STK32B: variants seen among roughly 807,000 people sequenced by gnomAD.
The protein encoded by STK32B is serine/threonine-protein kinase 32B.
In STK32B, 43 loss-of-function variants were observed where a neutral mutation model predicts 52.6. The ratio of observed to expected loss-of-function variants is 0.82; its 90% confidence interval spans 0.64 to 1.05. The LOEUF (loss-of-function observed/expected upper bound fraction) is 1.05. Among genes scored for constraint, STK32B ranks in the 50% least tolerant of loss-of-function variants. STK32B has a pLI of 0.00. For synonymous variants in STK32B, 238 were observed against 204.3 expected (o/e 1.17, Z -1.41); for missense variants, 621 against 534.6 (o/e 1.16, Z -1.59).
intron 6 of STK32B, among the ~76,000 whole-genome samples, chr4:5,430,826 T>G (rs564711513): frequency 6.6e-6 from 1 of 151,116 alleles, no homozygotes; most frequent in East Asian, 1.9e-4. Flanking sequence ...GTTACCAAAG[T>G]GTTTTCCTCA....
chr4:5,397,445 C>T (rs1481306708), intron 4 of STK32B, among the ~76,000 whole-genome samples: 1 of 152,174 alleles, frequency 6.6e-6, no homozygotes, highest in Non-Finnish European at 1.5e-5. Context: ...GAATGTTTCA[C>T]TTGGAATTGA....
chr4:5,257,818 C>G (rs766506488), intron 3 of STK32B, among the ~76,000 whole-genome samples: 12 of 152,216 alleles, frequency 7.9e-5, no homozygotes, highest in South Asian at 2.1e-4. Context: ...CGGCATGGGC[C>G]TGTAATCCCA....
At chr4:5,236,332 GTTC>G (rs942411941) in intron 3 of STK32B, among the ~76,000 whole-genome samples, 1 of 151,684 alleles carries the variant, frequency 6.6e-6, no homozygotes, top group African/African-American at 2.4e-5. Flanking sequence ...AATAGCCTTT[GTTC>G]TTTTTTTTTA....
chr4:5,341,027 A>G (rs1373853303), intron 4 of STK32B, among the ~76,000 whole-genome samples: 1 of 152,240 alleles, frequency 6.6e-6, no homozygotes, highest in Non-Finnish European at 1.5e-5. Flanking sequence ...TTCAAATCCC[A>G]GATCTCATGC....
rs377527637 is a variant in STK32B, at chr4:5,449,070, G to A, written c.666+2294G>A. Among the ~76,000 whole-genome samples the A allele has an allele frequency of 3.3e-5, 5 of 152,130 alleles. No individual in the cohort carries two copies. The South Asian group carries it at 8.3e-4, about 25-fold the overall frequency. ...GAAAGTCATAGTGGAGGCTAGGCAC[G>A]GTGACTCAGATCTGTAATCCCAGTT... is the stretch of plus-strand genomic sequence containing the variant. On this transcript the variant is annotated intron_variant, in intron 7 of 11. Transcript: ENST00000282908.
At chr4:5,347,595 A>T (rs955414152) in intron 4 of STK32B, among the ~76,000 whole-genome samples, 1 of 152,178 alleles carries the variant, frequency 6.6e-6, no homozygotes, top group African/African-American at 2.4e-5. Context: ...CACCTCATCC[A>T]TGGAGAGTGA....
intron 3 of STK32B, among the ~76,000 whole-genome samples, chr4:5,237,532 G>A (rs181453849): frequency 3.3e-5 from 5 of 152,274 alleles, no homozygotes; most frequent in East Asian, 1.9e-4. Context: ...TAAAGAACTG[G>A]CAGATGTTTT....
chr4:5,393,103 C>G (rs1396477811), intron 4 of STK32B, among the ~76,000 whole-genome samples: 1 of 152,144 alleles, frequency 6.6e-6, no homozygotes, highest in African/African-American at 2.4e-5. Context: ...GGATGGGTGC[C>G]AAGTCCCATT....
chr4:5,179,702 T>C (rs796136287), intron 3 of STK32B, among the ~76,000 whole-genome samples: 20 of 152,188 alleles, frequency 1.3e-4, no homozygotes, highest in African/African-American at 4.8e-4. Flanking sequence ...CTTTGCACAC[T>C]ACAGGGGTCA....
rs1742314026 is a variant in STK32B, at chr4:5,063,968, T to C, written c.52+12053T>C. On this transcript the variant is annotated intron_variant, in intron 1 of 11. Transcript: ENST00000282908. ...TGTTTCTGGTTTTATGAAGTTCCTGTTCATAACTTTGTTAATTTTTTAATT... is the reference window on the plus strand; with the variant it reads ...TGTTTCTGGTTTTATGAAGTTCCTGCTCATAACTTTGTTAATTTTTTAATT... Among the ~76,000 whole-genome samples the C allele has an allele frequency of 2.6e-5, 4 of 152,156 alleles. No individual in the cohort carries two copies. In the South Asian group the frequency reaches 6.2e-4, roughly 24 times the overall value.
At position 5,051,645 on chromosome 4, in the gene STK32B, C is replaced by G. The variant is rs568045042; in HGVS notation, c.-219C>G. ...CCGAGGCGGGGCACGGCGGAAGGCG[C>G]GGCGAGAGCGGGGTCCCTGCGAGCG... On this transcript the variant is annotated 5_prime_UTR_variant, in exon 1 of 12. Transcript: ENST00000282908. The G allele has an allele frequency of 2.6e-5, 14 of 545,960 alleles. No individual in the cohort carries two copies. The highest frequency in any genetic ancestry group is 7.6e-5 in the South Asian group (3 of 39,506). 33.8% of individuals were successfully genotyped at this position (545,960 alleles called of 1,614,324 possible). A position where few individuals can be genotyped will look rare whatever the true frequency, so the allele number is the denominator to read the frequency against.
At position 5,279,216 on chromosome 4, in the gene STK32B, C is replaced by A. The variant is rs569900988; in HGVS notation, c.261-52004C>A. ...CCTTCCACCTATAAGCCTGTGAAAT[C>A]AAAAACAAGTTAGTTACTTCCAAGA... On this transcript the variant is annotated intron_variant, in intron 3 of 11. Transcript: ENST00000282908. 5.9e-5 allele frequency among the ~76,000 whole-genome samples: 9 copies of A among 152,240 alleles called. 1 individual carries two copies. In the South Asian group the frequency reaches 1.9e-3, roughly 32 times the overall value.
At chr4:5,275,942 A>G (rs1727793190) in intron 3 of STK32B, among the ~76,000 whole-genome samples, 1 of 152,086 alleles carries the variant, frequency 6.6e-6, no homozygotes, top group Non-Finnish European at 1.5e-5. Flanking sequence ...AGAGACCCCA[A>G]GTCATCTCTT....
At chr4:5,074,859 ATCTC>A (rs1177199818) in intron 1 of STK32B, among the ~76,000 whole-genome samples, 2 of 152,002 alleles carry the variant, frequency 1.3e-5, no homozygotes. Context: ...GTTAGAATGG[ATCTC>A]TTTTGGTTTT....
intron 3 of STK32B, among the ~76,000 whole-genome samples, chr4:5,180,391 T>G (rs910678878): frequency 2.0e-5 from 3 of 152,240 alleles, no homozygotes; most frequent in Admixed American, 1.3e-4. Flanking sequence ...CCTACCATTT[T>G]TGGTCCCATT....
chr4:5,284,922 C>A (rs996558031), intron 3 of STK32B, among the ~76,000 whole-genome samples: 3 of 152,094 alleles, frequency 2.0e-5, no homozygotes, highest in Non-Finnish European at 2.9e-5. Context: ...TCCCAAGAAA[C>A]AGAAAAATCA....
intron 2 of STK32B, among the ~76,000 whole-genome samples, chr4:5,156,025 T>C (rs1194027613): frequency 6.6e-6 from 1 of 151,968 alleles, no homozygotes; most frequent in Non-Finnish European, 1.5e-5. Flanking sequence ...TATATGTACA[T>C]ATACCTATAG....
intron 3 of STK32B, among the ~76,000 whole-genome samples, chr4:5,214,576 A>G (rs900487419): frequency 6.6e-6 from 1 of 152,142 alleles, no homozygotes; most frequent in African/African-American, 2.4e-5. Context: ...GTTCTGTTCC[A>G]ATGCTCTATT....
intron 3 of STK32B, among the ~76,000 whole-genome samples, chr4:5,315,384 G>T (rs1028980092): frequency 6.6e-6 from 1 of 152,094 alleles, no homozygotes; most frequent in Middle Eastern, 3.2e-3. Flanking sequence ...ATTACTTTAA[G>T]AGGGAAGATA....
Sources: allele counts gnomAD v4.1 joint callset (sites outside exome capture counted in the v4.1 genomes callset), GRCh38; gene constraint gnomAD v4.1.1; transcripts MANE v1.5; gene names NCBI Gene and HGNC (gene_info 2026-07-23, HGNC 2026-07-21).